The following MAPDA variants were observed in gnomAD, a reference collection of about 807,000 sequenced individuals.
The protein encoded by MAPDA is N6,N6-dimethyl-AMP deaminase.
the MAPDA span, among the ~76,000 whole-genome samples, chr15:43,337,112 C>CA: frequency 0.3 from 40,669 of 137,556 alleles, 9,033 homozygotes; most frequent in African/African-American, 0.63. Flanking sequence ...ACTAAAAATA[C>CA]AAAAAAAAAA....
the MAPDA span, among the ~76,000 whole-genome samples, chr15:43,348,518 T>C: frequency 6.6e-6 from 1 of 152,220 alleles, no homozygotes; most frequent in Admixed American, 6.5e-5. Context: ...TTTTATAATA[T>C]ATATGAACAC....
the MAPDA span, among the ~76,000 whole-genome samples, chr15:43,346,530 AAGTGTCCCCTG>A: frequency 6.6e-6 from 1 of 152,232 alleles, no homozygotes; most frequent in Admixed American, 6.5e-5. Context: ...AGACATTGCC[AAGTGTCCCCTG>A]GGGGGCAGAA....
At chr15:43,334,897 C>A in the MAPDA span, 2 of 455,626 alleles carry the variant, frequency 4.4e-6, no homozygotes, top group Non-Finnish European at 3.9e-6. Context: ...TAACAAAATC[C>A]TGTTTCTTTG....
the MAPDA span, chr15:43,349,348 A>G: frequency 2.9e-6 from 3 of 1,043,116 alleles, no homozygotes; most frequent in South Asian, 1.3e-4. Context: ...AATGACTTTA[A>G]CAAAATTGAC....
At chr15:43,345,985 G>A in the MAPDA span, 3 of 1,613,820 alleles carry the variant, frequency 1.9e-6, no homozygotes, top group East Asian at 6.7e-5. Context: ...CCTACTGTAA[G>A]TTATTTTTCC....
the MAPDA span, chr15:43,350,925 T>C: frequency 6.5e-6 from 10 of 1,545,672 alleles, no homozygotes; most frequent in African/African-American, 8.2e-5. Flanking sequence ...GAGGTTTTTT[T>C]CCCCTTTTCA....
the MAPDA span, among the ~76,000 whole-genome samples, chr15:43,338,218 C>T: frequency 6.6e-6 from 1 of 152,086 alleles, no homozygotes; most frequent in South Asian, 2.1e-4. Context: ...CTAGGTGGTT[C>T]AGAGGGTGAC....
the MAPDA span, chr15:43,343,164 A>G: frequency 1.1e-6 from 1 of 896,730 alleles, no homozygotes; most frequent in Non-Finnish European, 1.6e-6. Flanking sequence ...GGATTTTTTA[A>G]AATTAATCAT....
chr15:43,349,093 CCAA>C, the MAPDA span: 14 of 1,612,748 alleles, frequency 8.7e-6, no homozygotes, highest in Non-Finnish European at 1.2e-5. Flanking sequence ...TGTCTCTCCC[CCAA>C]TCCCCAGGTT....
chr15:43,338,107 G>T, the MAPDA span, among the ~76,000 whole-genome samples: 1 of 152,186 alleles, frequency 6.6e-6, no homozygotes, highest in Admixed American at 6.5e-5. Flanking sequence ...TACTCTATGG[G>T]TATATTAATG....
the MAPDA span, among the ~76,000 whole-genome samples, chr15:43,339,202 T>C: frequency 6.6e-6 from 1 of 152,234 alleles, no homozygotes; most frequent in African/African-American, 2.4e-5. Flanking sequence ...TGCAGTATCA[T>C]GCTCCTTGGA....
chr15:43,338,412 T>C, the MAPDA span, among the ~76,000 whole-genome samples: 1 of 152,238 alleles, frequency 6.6e-6, no homozygotes, highest in Non-Finnish European at 1.5e-5. Flanking sequence ...CCAGACATTA[T>C]TCTTAGGACT....
chr15:43,330,809 G>A, the MAPDA span: 7 of 269,908 alleles, frequency 2.6e-5, no homozygotes. Flanking sequence ...AAGCCTTCCA[G>A]TCAAAAGGGA....
chr15:43,341,893 C>T, the MAPDA span, among the ~76,000 whole-genome samples: 1 of 152,060 alleles, frequency 6.6e-6, no homozygotes, highest in Non-Finnish European at 1.5e-5. Context: ...GACTGGAGTG[C>T]AGTGGTGGGA....
chr15:43,351,402 CA>C, the MAPDA span: 1 of 321,654 alleles, frequency 3.1e-6, no homozygotes, highest in East Asian at 6.2e-5. Flanking sequence ...GGCTCTCTAG[CA>C]AAAGGTACTT....
chr15:43,340,244 G>T, the MAPDA span: 1 of 1,606,436 alleles, frequency 6.2e-7, no homozygotes, highest in Admixed American at 1.7e-5. Flanking sequence ...TCAATATTGT[G>T]TACGTTATCT....
chr15:43,343,547 A>G, the MAPDA span, among the ~76,000 whole-genome samples: 10 of 152,270 alleles, frequency 6.6e-5, no homozygotes, highest in Non-Finnish European at 1.2e-4. Flanking sequence ...TCAGATCTCA[A>G]TTGGCTGTTA....
the MAPDA span, among the ~76,000 whole-genome samples, chr15:43,339,855 C>A: frequency 1.3e-5 from 2 of 152,192 alleles, no homozygotes. Flanking sequence ...ATCAGTAATA[C>A]CTAATCATTT....
the MAPDA span, chr15:43,351,224 A>C: frequency 1.8e-6 from 1 of 567,856 alleles, no homozygotes; most frequent in Non-Finnish European, 3.1e-6. Context: ...TACTCGGGAG[A>C]CTAAGGCAGG....
Sources: gnomAD v4.1 joint callset for allele counts (sites outside exome capture counted in the v4.1 genomes callset) on GRCh38, gnomAD v4.1.1 for gene constraint, MANE v1.5 for transcripts, NCBI Gene and HGNC (gene_info 2026-07-23, HGNC 2026-07-21) for gene names.